RYR2: variants seen among roughly 807,000 people sequenced by gnomAD.
RYR2 encodes the protein cardiac muscle ryanodine receptor-calcium release channel.
RYR2 carries 227 observed loss-of-function variants against 601.1 expected under a neutral mutation model. The observed-to-expected ratio is 0.38, with a 90% CI of 0.34 to 0.42. RYR2 has a LOEUF of 0.42. RYR2 is among the 10% of genes least tolerant of loss of function. RYR2 has a pLI of 1.00. For missense variants in RYR2, 4,646 were observed against 6,156.5 expected (o/e 0.75, Z 8.21); for synonymous variants, 2,223 against 2,175.1 (o/e 1.02, Z -0.61).
At chr1:237,792,366 T>TGTGTGTGCGCGC (rs781440406) in intron 94 of RYR2, 43 bp downstream of exon 94, 43,540 of 787,510 alleles carry the variant, frequency 0.055, 1,799 homozygotes, top group African/African-American at 0.13. Flanking sequence ...TGTGTGTGTG[T>TGTGTGTGCGCGC]GTGTGTGTGT....
At chr1:237,502,502 A>G (rs904892906) in intron 21 of RYR2, among the ~76,000 whole-genome samples, 2 of 152,218 alleles carry the variant, frequency 1.3e-5, no homozygotes, top group Non-Finnish European at 2.9e-5. Flanking sequence ...GAAGGTGGGG[A>G]TGGTTTCAGG....
chr1:237,304,134 G>T (rs142181875), intron 2 of RYR2, among the ~76,000 whole-genome samples: 2 of 152,254 alleles, frequency 1.3e-5, no homozygotes, highest in African/African-American at 4.8e-5. Context: ...TAAGCAGTAG[G>T]TACAAGTTGA....
intron 1 of RYR2, among the ~76,000 whole-genome samples, chr1:237,232,568 G>A (rs915915224): frequency 1.3e-5 from 2 of 151,908 alleles, no homozygotes; most frequent in Non-Finnish European, 1.5e-5. Context: ...TCTGAGTTTC[G>A]TGAGCCACTC....
chr1:237,455,038 T>C (rs992791691), intron 15 of RYR2, among the ~76,000 whole-genome samples: 3 of 152,146 alleles, frequency 2.0e-5, no homozygotes, highest in African/African-American at 7.2e-5. Flanking sequence ...CGGAGTAGGC[T>C]GAGCTCCAGG....
chr1:237,550,918 G>T (rs1367398310), intron 27 of RYR2, among the ~76,000 whole-genome samples: 1 of 152,094 alleles, frequency 6.6e-6, no homozygotes, highest in Non-Finnish European at 1.5e-5. Context: ...AAATGGGCCT[G>T]TCTTCCTCAA....
At chr1:237,364,800 T>G (rs1188257514) in intron 5 of RYR2, among the ~76,000 whole-genome samples, 1 of 152,198 alleles carries the variant, frequency 6.6e-6, no homozygotes, top group Non-Finnish European at 1.5e-5. Context: ...TTATGTTGAC[T>G]TTGCATTTAT....
intron 63 of RYR2, among the ~76,000 whole-genome samples, chr1:237,695,929 G>A (rs1217818074): frequency 2.0e-5 from 3 of 152,128 alleles, no homozygotes; most frequent in Admixed American, 1.3e-4. Context: ...AGCAATCACA[G>A]AAATTTCATA....
intron 1 of RYR2, among the ~76,000 whole-genome samples, chr1:237,183,003 ACT>A (rs377039919): frequency 1.1e-4 from 17 of 152,220 alleles, no homozygotes; most frequent in African/African-American, 3.6e-4. Flanking sequence ...AAAACAGGTA[ACT>A]CTGGTTTAGT....
rs146166532 is a variant in RYR2, at chr1:237,758,557, G to GTA, written c.11325+793_11325+794dup. ...ATATTTGCTATTTGTGCATTTGTGCGTATATATATATATGCATATGTGCAT... is the reference window on the plus strand; with the variant it reads ...ATATTTGCTATTTGTGCATTTGTGCGTATATATATATATATGCATATGTGCAT... On this transcript the variant is annotated intron_variant, in intron 82 of 104. Transcript: ENST00000366574. Among the ~76,000 whole-genome samples the GTA allele has an allele frequency of 3.2e-3, 484 of 151,492 alleles. 2 individuals are homozygous for GTA. Among genetic ancestry groups the GTA allele is most frequent in the Middle Eastern group, 0.02 (6 of 294 alleles).
intron 2 of RYR2, among the ~76,000 whole-genome samples, chr1:237,310,897 A>G (rs1052871287): frequency 5.8e-4 from 89 of 152,336 alleles, no homozygotes; most frequent in African/African-American, 2.0e-3. Flanking sequence ...TTTGTTGTCT[A>G]AGTAACACAA....
At chr1:237,561,983 A>G (rs1671503920) in intron 27 of RYR2, among the ~76,000 whole-genome samples, 1 of 152,254 alleles carries the variant, frequency 6.6e-6, no homozygotes, top group African/African-American at 2.4e-5. Context: ...ACATTCATTT[A>G]TAATAGTCTA....
At chr1:237,377,264 G>T (rs1701118521) in intron 7 of RYR2, 59 bp from the exon 8 acceptor site, 12 of 1,295,696 alleles carry the variant, frequency 9.3e-6, no homozygotes, top group Non-Finnish European at 1.2e-5. Flanking sequence ...CATTGGCAAA[G>T]AAAATAGATT....
intron 41 of RYR2, 52 bp from the exon 42 acceptor site, chr1:237,631,375 C>G (rs970603802): frequency 9.1e-7 from 1 of 1,102,582 alleles, no homozygotes. Context: ...ACTTGGTTAA[C>G]TATTTAGATG....
intron 38 of RYR2, 73 bp from the exon 39 acceptor site, chr1:237,623,692 C>T (rs1679342246): frequency 1.0e-6 from 1 of 972,228 alleles, no homozygotes; most frequent in South Asian, 1.4e-5. Context: ...CCGCCCGGCC[C>T]TGCTGTGCCA....
chr1:237,198,260 G>C (rs1287041462), intron 1 of RYR2, among the ~76,000 whole-genome samples: 2 of 152,134 alleles, frequency 1.3e-5, no homozygotes, highest in Admixed American at 6.6e-5. Flanking sequence ...ATTACTGCAG[G>C]ACTATTTAGT....
At chr1:237,070,990 G>A (rs549298922) in intron 1 of RYR2, among the ~76,000 whole-genome samples, 1 of 152,204 alleles carries the variant, frequency 6.6e-6, no homozygotes, top group African/African-American at 2.4e-5. Flanking sequence ...TGTGGTGAGT[G>A]GGGGGCATGT....
intron 35 of RYR2, among the ~76,000 whole-genome samples, chr1:237,605,302 A>G (rs1676991042): frequency 6.6e-6 from 1 of 152,242 alleles, no homozygotes; most frequent in Non-Finnish European, 1.5e-5. Flanking sequence ...CAGCATATAA[A>G]CAGAACCAAC....
intron 87 of RYR2, among the ~76,000 whole-genome samples, chr1:237,774,039 C>T (rs1167640832): frequency 2.0e-5 from 3 of 152,140 alleles, no homozygotes; most frequent in South Asian, 2.1e-4. Context: ...TTGAAAACAT[C>T]GCATATGTAT....
At chr1:237,732,653 T>C (rs967389219) in intron 78 of RYR2, among the ~76,000 whole-genome samples, 9 of 152,242 alleles carry the variant, frequency 5.9e-5, no homozygotes, top group Middle Eastern at 3.4e-3. Flanking sequence ...TCTGCAGCCT[T>C]AGTCATATGA....
Sources: gnomAD v4.1 joint callset for allele counts (sites outside exome capture counted in the v4.1 genomes callset) on GRCh38, gnomAD v4.1.1 for gene constraint, MANE v1.5 for transcripts, NCBI Gene and HGNC (gene_info 2026-07-23, HGNC 2026-07-21) for gene names.